Variants in GRID2IP observed in about 807,000 individuals in gnomAD.
GRID2IP encodes Grid2 interacting protein.
In GRID2IP, 78 loss-of-function variants were observed where a neutral mutation model predicts 114.3. That is an observed-to-expected ratio of 0.68 (90% CI 0.57 to 0.82). The LOEUF (loss-of-function observed/expected upper bound fraction) is 0.82, where lower values mean the gene tolerates loss of function less well. Ranked by LOEUF, GRID2IP falls within the 40% of genes least tolerant of loss-of-function variation. The pLI, the probability that GRID2IP is intolerant of heterozygous loss-of-function variation, is 0.00. For synonymous variants in GRID2IP, 809 were observed against 724.0 expected (o/e 1.12, Z -1.89); for missense variants, 1,727 against 1,678.5 (o/e 1.03, Z -0.51).
chr7:6,503,441 G>T, intron 16 of GRID2IP, 50 bp downstream of exon 16: 1 of 1,446,288 alleles, frequency 6.9e-7, no homozygotes, highest in Non-Finnish European at 9.1e-7. Context: ...CACAGCGACA[G>T]CCCCTGTGGA....
intron 2 of GRID2IP, among the ~76,000 whole-genome samples, chr7:6,529,608 C>T (rs1779578189): frequency 6.6e-6 from 1 of 152,196 alleles, no homozygotes; most frequent in South Asian, 2.1e-4. Context: ...CTGGCTCCTG[C>T]TGGCCCTCCA....
intron 2 of GRID2IP, among the ~76,000 whole-genome samples, chr7:6,529,686 A>G (rs971389982): frequency 6.6e-6 from 1 of 152,166 alleles, no homozygotes; most frequent in African/African-American, 2.4e-5. Context: ...CAGCAGAGCC[A>G]GGAGCAGTGG....
Position 6,526,659 on chromosome 7 carries a change from C to A in GRID2IP, c.695G>T (p.Arg232Leu). The A allele has an allele frequency of 1.4e-6, 2 of 1,447,332 alleles. No homozygotes were observed. The highest frequency in any genetic ancestry group is 1.8e-6 in the Non-Finnish European group (2 of 1,102,844). The allele number at this position is 1,447,332 out of a possible 1,614,324, so 89.7% of individuals were successfully genotyped here. The change falls in exon 3 of 22, where the codon CGG becomes CTG. Residue 232 changes from arginine to leucine, a missense_variant. By Grantham distance (102) the Arg-to-Leu change is moderately radical (BLOSUM62 -2). Transcript: ENST00000457091. This position sits in a 1 kb window ranked among gnomAD's most constrained non-coding sequence, Gnocchi z 7.6. ...RRAQGAQRLR[R>L]SRSEERPERL... ...CTCCGGCCGCTCCTCGCTGCGGCTC[C>A]GGCGCAGTCGCTGCGCGCCCTGGGC...
intron 9 of GRID2IP, 94 bp downstream of exon 9, chr7:6,510,814 G>A (rs938205958): frequency 4.1e-6 from 6 of 1,476,294 alleles, no homozygotes; most frequent in Non-Finnish European, 5.5e-6. Context: ...GCCCTGCTTA[G>A]CCCCATTCCC....
chr7:6,501,728 C>T lies in GRID2IP; in HGVS notation c.3399+53G>A, dbSNP rs1039691629. 3.6e-6 allele frequency: 5 copies of T among 1,378,266 alleles called. No homozygotes were observed. The African/African-American group carries it at 5.7e-5, about 16-fold the overall frequency. The allele number at this position is 1,378,266 out of a possible 1,614,324, so 85.4% of individuals were successfully genotyped here. A position where few individuals can be genotyped will look rare whatever the true frequency, so the allele number is the denominator to read the frequency against. ...GCCACTGGAGCCACAGCCAGCTCTA[C>T]CCAACCACCCCAGGATCCAGCCTGG... On this transcript the variant is annotated intron_variant, in intron 20 of 21. Coordinates refer to ENST00000457091, the MANE Select transcript of GRID2IP (RefSeq NM_001145118.2).
intron 20 of GRID2IP, among the ~76,000 whole-genome samples, chr7:6,500,649 C>G (rs1314365606): frequency 6.6e-6 from 1 of 152,240 alleles, no homozygotes; most frequent in Non-Finnish European, 1.5e-5. Flanking sequence ...GTGCTGCAGT[C>G]AGAGGAATGT....
chr7:6,519,409 A>G lies in GRID2IP; in HGVS notation c.1268+1169T>C, dbSNP rs1013948210. ...TTTGGGACGATCACTTGAGCCCAAG[A>G]GTTCGAGACCAGCCTGGGTAACATA... On this transcript the variant is annotated intron_variant, in intron 7 of 21. Transcript: ENST00000457091. The surrounding 1 kb of genome is among the most constrained non-coding windows in gnomAD (Gnocchi z 4.1). Among the ~76,000 whole-genome samples the G allele has an allele frequency of 1.3e-5, 2 of 152,164 alleles. No homozygotes were observed. The highest frequency in any genetic ancestry group is 2.9e-5 in the Non-Finnish European group (2 of 68,038).
In GRID2IP at chr7:6,520,718, G is replaced by A. The variant is rs1175712529; in HGVS notation, c.1128C>T (p.Thr376=). Residue 376 remains threonine (T), a synonymous_variant, in exon 7 of 22, where the codon ACC becomes ACT. Transcript: ENST00000457091. This position sits in a 1 kb window ranked among gnomAD's most constrained non-coding sequence, Gnocchi z 4.6. ...LDSPNPSSAL[T]SLQWVAEILP... is the part of the protein sequence containing the mutation. ...GGATCTCCGCCACCCACTGCAGGGA[G>A]GTGAGCGCCGACGACGGGTTGGGTG... The A allele has an allele frequency of 1.7e-5, 27 of 1,551,676 alleles. No homozygotes were observed. Among genetic ancestry groups the A allele is most frequent in the Non-Finnish European group, 2.4e-5 (27 of 1,146,974 alleles).
At position 6,497,646 on chromosome 7, in the gene GRID2IP, G is replaced by C. The variant is rs1047502752; in HGVS notation, c.*128C>G. On this transcript the variant is annotated 3_prime_UTR_variant, in exon 22 of 22. Coordinates refer to ENST00000457091, the MANE Select transcript of GRID2IP (RefSeq NM_001145118.2). ...CGACCACAGCTCGGCGGCTGAGGTA[G>C]CTGCAGGAGAGGCTGGCGGTGTGCT... 5 of 636,496 alleles carry C rather than the reference G, an allele frequency of 7.9e-6. No individual in the cohort carries two copies. Among genetic ancestry groups the C allele is most frequent in the African/African-American group, 3.8e-5 (2 of 53,090 alleles). 39.4% of individuals were successfully genotyped at this position (636,496 alleles called of 1,614,324 possible).
At chr7:6,544,878 G>A (rs1331960000) in intron 1 of GRID2IP, among the ~76,000 whole-genome samples, 1 of 151,656 alleles carries the variant, frequency 6.6e-6, no homozygotes, top group Admixed American at 6.6e-5. Context: ...TCAGGAGATC[G>A]AGACCATCCC....
Position 6,526,013 on chromosome 7 carries a change from C to G in GRID2IP, c.919+211G>C, listed in dbSNP as rs1029639817. On this transcript the variant is annotated intron_variant, in intron 4 of 21. Transcript: ENST00000457091. This position sits in a 1 kb window ranked among gnomAD's most constrained non-coding sequence, Gnocchi z 7.6. ...GGTGCCCCAACTCAGGCAGAAGGCT[C>G]TGGCCTCAAGCATCTTAGGTAGGAA... is the stretch of plus-strand genomic sequence containing the variant. Among the ~76,000 whole-genome samples the G allele has an allele frequency of 6.6e-6, 1 of 152,198 alleles. No individual in the cohort carries two copies. The highest frequency in any genetic ancestry group is 1.5e-5 in the Non-Finnish European group (1 of 68,032).
At position 6,514,575 on chromosome 7, in the gene GRID2IP, C is replaced by T. The variant is rs1779255179; in HGVS notation, c.1269-46G>A. 3 of 1,438,494 alleles carry T rather than the reference C, an allele frequency of 2.1e-6. No homozygotes were observed. The African/African-American group carries it at 4.2e-5, about 20-fold the overall frequency. 89.1% of individuals were successfully genotyped at this position (1,438,494 alleles called of 1,614,324 possible). ...GTGAGGCTCAATACTCACGGGCTTA[C>T]CATGATGCACAGAGTGGGGGTAGAC... On this transcript the variant is annotated intron_variant, in intron 7 of 21. Coordinates refer to ENST00000457091, the MANE Select transcript of GRID2IP (RefSeq NM_001145118.2).
At chr7:6,498,740 C>G (rs1275692429) in intron 20 of GRID2IP, among the ~76,000 whole-genome samples, 2 of 151,878 alleles carry the variant, frequency 1.3e-5, no homozygotes, top group African/African-American at 4.8e-5. Flanking sequence ...GTTTACACCA[C>G]CATACCCAGC....
At chr7:6,525,283 G>A (rs1025076278) in intron 4 of GRID2IP, among the ~76,000 whole-genome samples, 20 of 151,970 alleles carry the variant, frequency 1.3e-4, no homozygotes, top group Non-Finnish European at 2.6e-4. Context: ...CTCCAGCCTG[G>A]TCAACAAGAG....
At position 6,501,466 on chromosome 7, in the gene GRID2IP, C is replaced by T. The variant is rs560807359; in HGVS notation, c.3399+315G>A. Among the ~76,000 whole-genome samples, 8 of 152,326 alleles carry T rather than the reference C, an allele frequency of 5.3e-5. No homozygotes were observed. In the East Asian group the frequency reaches 1.3e-3, roughly 26 times the overall value. The stretch of plus-strand genomic sequence containing the variant: ...CCTGTAATTCTAGCACTCTGGGAGG[C>T]TGAGGCAGGCAGATCACTCGAGCCC... On this transcript the variant is annotated intron_variant, in intron 20 of 21. Coordinates refer to ENST00000457091, the MANE Select transcript of GRID2IP (RefSeq NM_001145118.2).
rs1391097431 is a variant in GRID2IP, at chr7:6,503,499, C to A, written c.2899G>T (p.Val967Phe). Reference sequence around the variant, plus strand: ...GGTTGTGGTCGCGGCACCTGCAGGACGAACTGGTCCGGCTCGCTGAGGCGG... The same window carrying A: ...GGTTGTGGTCGCGGCACCTGCAGGAAGAACTGGTCCGGCTCGCTGAGGCGG... Reference protein sequence around the residue: ...PGRLSEPDQFVLQMLSVPEYK... With the variant: ...PGRLSEPDQFFLQMLSVPEYK... The change falls in exon 16 of 22, where the codon GTC becomes TTC. Residue 967 changes from valine (V) to phenylalanine (F), a missense_variant. By Grantham distance (50) the Val-to-Phe change is conservative. Coordinates refer to ENST00000457091, the MANE Select transcript of GRID2IP (RefSeq NM_001145118.2). 3 of 1,524,238 alleles carry A rather than the reference C, an allele frequency of 2.0e-6. No homozygotes were observed. The highest frequency in any genetic ancestry group is 2.6e-6 in the Non-Finnish European group (3 of 1,142,602). The allele number at this position is 1,524,238 out of a possible 1,614,324, so 94.4% of individuals were successfully genotyped here.
intron 16 of GRID2IP, 32 bp from the exon 17 acceptor site, chr7:6,503,195 T>A (rs1226896937): frequency 1.8e-6 from 2 of 1,088,930 alleles, no homozygotes; most frequent in Non-Finnish European, 2.4e-6. Context: ...GATTCACCCA[T>A]CCCCTTCCTG....
At chr7:6,512,882 T>C (rs1359237603) in intron 8 of GRID2IP, among the ~76,000 whole-genome samples, 1 of 152,138 alleles carries the variant, frequency 6.6e-6, no homozygotes, top group Non-Finnish European at 1.5e-5. Context: ...GACTTGGAAC[T>C]CCTGACCTCA....
intron 1 of GRID2IP, among the ~76,000 whole-genome samples, chr7:6,541,043 G>A (rs1779808915): frequency 6.6e-6 from 1 of 151,568 alleles, no homozygotes; most frequent in South Asian, 2.1e-4. Context: ...AAAGAGAACT[G>A]GCTAATTAAA....
Sources: gnomAD v4.1 joint callset for allele counts (sites outside exome capture counted in the v4.1 genomes callset) on GRCh38, gnomAD v4.1.1 for gene constraint, Gnocchi (gnomAD v3.1) non-coding constraint, MANE v1.5 for transcripts, NCBI Gene and HGNC (gene_info 2026-07-23, HGNC 2026-07-21) for gene names.